AHNAK: variants seen among roughly 807,000 people sequenced by gnomAD.
AHNAK encodes the protein neuroblast differentiation-associated protein AHNAK.
Under a neutral mutation model 37.8 loss-of-function variants are expected in AHNAK, and 23 were observed. The ratio of observed to expected loss-of-function variants is 0.61; its 90% CI spans 0.44 to 0.86. The LOEUF (loss-of-function observed/expected upper bound fraction) is 0.86, where lower values mean the gene tolerates loss of function less well. AHNAK is among the 40% of genes least tolerant of loss of function. AHNAK has a pLI of 0.00. For synonymous variants in AHNAK, 2,481 were observed against 2,636.3 expected (o/e 0.94, Z 1.80); for missense variants, 7,411 against 7,319.4 (o/e 1.01, Z -0.46).
intron 5 of AHNAK, among the ~76,000 whole-genome samples, chr11:62,442,664 A>G (rs2134783403): frequency 6.6e-6 from 1 of 152,238 alleles, no homozygotes; most frequent in Non-Finnish European, 1.5e-5. Context: ...TGAGGTCAGG[A>G]GTTCCAGACC....
At chr11:62,455,493 G>A (rs1257053611) in intron 5 of AHNAK, among the ~76,000 whole-genome samples, 2 of 151,942 alleles carry the variant, frequency 1.3e-5, no homozygotes. Flanking sequence ...ATCTCCTGAG[G>A]TCGGCAGTTT....
At position 62,527,355 on chromosome 11, in the gene AHNAK, A is replaced by G; in HGVS notation, c.7062T>C (p.Asp2354=). 6.2e-7 allele frequency: 1 copy of G among 1,614,012 alleles called. No individual in the cohort carries two copies. The highest frequency in any genetic ancestry group is 8.5e-7 in the Non-Finnish European group (1 of 1,179,954). The change falls in exon 5 of 5, where the codon GAT becomes GAC. Residue 2354 remains aspartate, a synonymous_variant. Transcript: ENST00000378024. ...PELDVKGPKL[D]ADMPEVAVEG... is the part of the protein sequence containing the mutation. ...CCACAGCTACTTCTGGCATGTCAGC[A>G]TCTAATTTGGGACCTTTGACATCCA...
Position 62,530,702 on chromosome 11 carries a change from C to T in AHNAK, c.3715G>A (p.Asp1239Asn), listed in dbSNP as rs1940708920. The change falls in exon 5 of 5, where the codon GAT becomes AAT. Residue 1239 changes from aspartate (D) to asparagine (N), a missense_variant. Asp to Asn is a conservative substitution (Grantham distance 23, BLOSUM62 1). Transcript: ENST00000378024. ...VEIKGPKMDIDAPDVEVQGPD... is the reference protein window; with the variant it reads ...VEIKGPKMDINAPDVEVQGPD... ...CCTTGAACCTCCACATCTGGGGCAT[C>T]AATGTCCATTTTGGGTCCTTTGATT... The T allele has an allele frequency of 6.2e-7, 1 of 1,612,824 alleles. No homozygotes were observed. Among genetic ancestry groups the T allele is most frequent in the Admixed American group, 1.7e-5 (1 of 59,888 alleles).
At chr11:62,482,767 G>A (rs1337157141) in intron 5 of AHNAK, among the ~76,000 whole-genome samples, 1 of 152,110 alleles carries the variant, frequency 6.6e-6, no homozygotes, top group Non-Finnish European at 1.5e-5. Flanking sequence ...ATCTTGTACT[G>A]CTCACTGCAA....
In AHNAK at chr11:62,516,490, A is replaced by G; in HGVS notation, c.*254T>C. On this transcript the variant is annotated 3_prime_UTR_variant, in exon 5 of 5. Transcript: ENST00000378024. ...CAGCAGTCAATGCAAAAAAATATAT[A>G]TATATGAAATCTTAAGGCAAATACT... 2 of 1,352,440 alleles carry G rather than the reference A, an allele frequency of 1.5e-6. No individual in the cohort carries two copies. Among genetic ancestry groups the G allele is most frequent in the Admixed American group, 3.1e-5 (1 of 32,758 alleles). 83.8% of individuals were successfully genotyped at this position (1,352,440 alleles called of 1,614,324 possible). A position where few individuals can be genotyped will look rare whatever the true frequency, so the allele number is the denominator to read the frequency against.
rs947919307 is a variant in AHNAK at position 62,496,634 on chromosome 11, A to G, written c.343-4803T>C. Among the ~76,000 whole-genome samples, 5 of 152,172 alleles carry G rather than the reference A, an allele frequency of 3.3e-5. No homozygotes were observed. In the East Asian group the frequency reaches 9.7e-4, roughly 29 times the overall value. On this transcript the variant is annotated intron_variant, in intron 4 of 5. Coordinates refer to the AHNAK transcript ENST00000257247. ...ACATAGTGAAACCCTGTCTCTACTA[A>G]AAGTACAAAAGTTAGCCGGGCGTGG...
intron 5 of AHNAK, among the ~76,000 whole-genome samples, chr11:62,469,101 G>C (rs550747787): frequency 6.6e-6 from 1 of 152,018 alleles, no homozygotes; most frequent in Non-Finnish European, 1.5e-5. Context: ...CACTTAGCCC[G>C]GCCCAATTGG....
intron 4 of AHNAK, among the ~76,000 whole-genome samples, chr11:62,494,664 CA>C (rs1375960639): frequency 6.6e-6 from 1 of 151,988 alleles, no homozygotes; most frequent in African/African-American, 2.4e-5. Flanking sequence ...CCCAGGAGTT[CA>C]AAATCAGCCT....
At chr11:62,512,986 G>T (rs1413034595), downstream of AHNAK, among the ~76,000 whole-genome samples, 1 of 152,172 alleles carries the variant, frequency 6.6e-6, no homozygotes, top group African/African-American at 2.4e-5. This position sits in a 1 kb window ranked among gnomAD's most constrained non-coding sequence, Gnocchi z 4.0. Flanking sequence ...CCTGCCATTT[G>T]TGAGCCCATG....
rs1206367763 is a variant in AHNAK, at chr11:62,531,981, G to A, written c.2436C>T (p.Asn812=). The A allele has an allele frequency of 3.1e-6, 5 of 1,612,750 alleles. No homozygotes were observed. Among genetic ancestry groups the A allele is most frequent in the Non-Finnish European group, 4.2e-6 (5 of 1,179,724 alleles). ...KGPKFKMPEM[N]IKVPKISMPD... ...GCATGGAGATCTTGGGGACTTTGAT[G>A]TTCATCTCAGGCATCTTAAACTTGG... is the stretch of plus-strand genomic sequence containing the variant. The change falls in exon 5 of 5, where the codon AAC becomes AAT. Residue 812 remains asparagine, a synonymous_variant. Transcript: ENST00000378024.
chr11:62,517,861 G>A lies in AHNAK; in HGVS notation c.16556C>T (p.Ser5519Phe), dbSNP rs775610134. 6.2e-7 allele frequency: 1 copy of A among 1,614,154 alleles called. No homozygotes were observed. The highest frequency in any genetic ancestry group is 8.5e-7 in the Non-Finnish European group (1 of 1,180,018). Residue 5519 changes from serine to phenylalanine, a missense_variant, in exon 5 of 5, where the codon TCT becomes TTT. Coordinates refer to ENST00000378024, the MANE Select transcript of AHNAK (RefSeq NM_001620.3). ...CAGACCACCTTTGATTTCAGGCCCA[G>A]AAATCTGCCCAGTTGGGAGTTTCAC... is the stretch of plus-strand genomic sequence containing the variant. ...VNVKLPTGQI[S>F]GPEIKGGLKG...
chr11:62,492,481 T>C (rs1447757177), intron 4 of AHNAK, among the ~76,000 whole-genome samples: 1 of 152,192 alleles, frequency 6.6e-6, no homozygotes, highest in Non-Finnish European at 1.5e-5. Context: ...GCAGCAACAC[T>C]GAAACCAGTT....
intron 5 of AHNAK, among the ~76,000 whole-genome samples, chr11:62,456,971 C>T (rs1328893304): frequency 6.6e-6 from 1 of 152,162 alleles, no homozygotes; most frequent in Non-Finnish European, 1.5e-5. Flanking sequence ...TAATGAAGTG[C>T]CCTAAGGACT....
intron 5 of AHNAK, among the ~76,000 whole-genome samples, chr11:62,478,924 G>T (rs929635402): frequency 6.6e-6 from 1 of 151,792 alleles, no homozygotes; most frequent in African/African-American, 2.4e-5. Flanking sequence ...CTCCCAGGCT[G>T]GAGTACAGTG....
rs1396981122 is a variant in AHNAK at position 62,442,798 on chromosome 11, G to A, written c.443-8907C>T. 6.6e-5 allele frequency among the ~76,000 whole-genome samples: 10 copies of A among 150,926 alleles called. No homozygotes were observed. In the East Asian group the frequency reaches 2.0e-3, roughly 30 times the overall value. On this transcript the variant is annotated intron_variant, in intron 5 of 5. Coordinates refer to the AHNAK transcript ENST00000257247. ...ACAGGAGAATTGCTTGACCCAGGAG[G>A]CAGAGGTTGCAGTAAGCCGAGATTG... is the stretch of plus-strand genomic sequence containing the variant.
chr11:62,465,976 T>C (rs1230379893), intron 5 of AHNAK, among the ~76,000 whole-genome samples: 1 of 152,098 alleles, frequency 6.6e-6, no homozygotes, highest in Non-Finnish European at 1.5e-5. Flanking sequence ...AGCCACTCAG[T>C]TTGTGATAAT....
rs150324844 is a variant in AHNAK, at chr11:62,533,782, G to A, written c.635C>T (p.Ser212Leu). 1.4e-4 allele frequency: 227 copies of A among 1,614,102 alleles called. No homozygotes were observed. In the African/African-American group the frequency reaches 2.0e-3, roughly 14 times the overall value. The change falls in exon 5 of 5, where the codon TCG becomes TTG. Residue 212 changes from serine to leucine, a missense_variant. Ser to Leu is a moderately radical substitution (Grantham distance 145). Coordinates refer to ENST00000378024, the MANE Select transcript of AHNAK (RefSeq NM_001620.3). ...AGAGCCTGTCGGAGAGGCTGCCCCC[G>A]AGCCCGAGGGCAGTCTGATCACGGT... ...GKTVIRLPSG[S>L]GAASPTGSAV...
chr11:62,540,480 C>T (rs1172312529), intron 1 of AHNAK, among the ~76,000 whole-genome samples: 1 of 152,010 alleles, frequency 6.6e-6, no homozygotes, highest in Non-Finnish European at 1.5e-5. Flanking sequence ...GCACACAGCC[C>T]GGTGGTCCAC....
chr11:62,492,856 C>G (rs1195308328), intron 4 of AHNAK, among the ~76,000 whole-genome samples: 1 of 145,918 alleles, frequency 6.9e-6, no homozygotes, highest in Non-Finnish European at 1.5e-5. Flanking sequence ...CCAGCCGGGG[C>G]GACAGAGTGA....
Sources: allele counts gnomAD v4.1 joint callset (sites outside exome capture counted in the v4.1 genomes callset), GRCh38; gene constraint gnomAD v4.1.1; non-coding constraint Gnocchi (gnomAD v3.1); transcripts MANE v1.5; gene names NCBI Gene and HGNC (gene_info 2026-07-23, HGNC 2026-07-21).